MTMR7: variants seen among roughly 807,000 people sequenced by gnomAD.
MTMR7 encodes the protein phosphatidylinositol-3-phosphate phosphatase MTMR7.
MTMR7 carries 76 observed loss-of-function variants against 81.2 expected under a neutral mutation model. The ratio of observed to expected loss-of-function variants is 0.94; its 90% CI spans 0.78 to 1.13. MTMR7 has a LOEUF of 1.13. Ranked by LOEUF, MTMR7 falls within the 50% of genes most tolerant of loss-of-function variation. The pLI is 0.00. For missense variants in MTMR7, 1,044 were observed against 820.0 expected (o/e 1.27, Z -3.34); for synonymous variants, 372 against 289.8 (o/e 1.28, Z -2.88).
At chr8:17,320,968 A>G (rs1448717708) in intron 7 of MTMR7, among the ~76,000 whole-genome samples, 1 of 151,520 alleles carries the variant, frequency 6.6e-6, no homozygotes, top group African/African-American at 2.4e-5. Context: ...GATTCCTCCA[A>G]GCCTTCCATA....
Position 17,305,912 on chromosome 8 carries a change from A to G in MTMR7, c.1197T>C (p.Ile399=), listed in dbSNP as rs1308197548. ...DGDPKEISPV[I]DQFIECVWQL... ...GCCAAACACACTCAATGAACTGGTCAATAACTGGAGAGATTTCTTTTGGGT... is the reference window on the plus strand; with the variant it reads ...GCCAAACACACTCAATGAACTGGTCGATAACTGGAGAGATTTCTTTTGGGT... Residue 399 remains isoleucine, a synonymous_variant, in exon 11 of 14, where the codon ATT becomes ATC. Transcript: ENST00000180173. 2 of 1,613,760 alleles carry G rather than the reference A, an allele frequency of 1.2e-6. No homozygotes were observed. The highest frequency in any genetic ancestry group is 1.7e-6 in the Non-Finnish European group (2 of 1,179,748).
chr8:17,341,485 G>T lies in MTMR7; in HGVS notation c.610C>A (p.Arg204=). ...AAGCCGGACAGGGGCTGGCTGCTCC[G>T]GCAGATGGAGGCCTAGGGGGAGAGG... ...YYKDNHASIC[R]SSQPLSGFSA... Residue 204 remains arginine (R), a synonymous_variant, in exon 6 of 14, where the codon CGG becomes AGG. Coordinates refer to ENST00000180173, the MANE Select transcript of MTMR7 (RefSeq NM_004686.5). 3 of 1,613,710 alleles carry T rather than the reference G, an allele frequency of 1.9e-6. No individual in the cohort carries two copies. Among genetic ancestry groups the T allele is most frequent in the Middle Eastern group, 1.6e-4 (1 of 6,062 alleles).
At chr8:17,407,741 A>C (rs1310760876) in intron 1 of MTMR7, among the ~76,000 whole-genome samples, 1 of 152,208 alleles carries the variant, frequency 6.6e-6, no homozygotes, top group Non-Finnish European at 1.5e-5. Flanking sequence ...AAGAAAAAAA[A>C]CACCAGAAGA....
At chr8:17,346,236 C>T (rs2150545935) in intron 5 of MTMR7, 2 of 152,160 alleles carry the variant, frequency 1.3e-5, no homozygotes, top group East Asian at 3.9e-4. Flanking sequence ...CAAATTTGAT[C>T]ATTATTCCAC....
At chr8:17,393,868 TAATAA>T (rs1821174263) in intron 1 of MTMR7, among the ~76,000 whole-genome samples, 1 of 152,080 alleles carries the variant, frequency 6.6e-6, no homozygotes. Flanking sequence ...ACGTTGAAGA[TAATAA>T]AATAAAAAAT....
At chr8:17,303,428 A>T (rs1053907929) in intron 12 of MTMR7, among the ~76,000 whole-genome samples, 1 of 152,184 alleles carries the variant, frequency 6.6e-6, no homozygotes, top group African/African-American at 2.4e-5. Flanking sequence ...AGTGAGTAGG[A>T]AGAAAGAGAT....
intron 1 of MTMR7, among the ~76,000 whole-genome samples, chr8:17,395,456 TATG>T (rs1435284733): frequency 6.6e-6 from 1 of 152,212 alleles, no homozygotes; most frequent in African/African-American, 2.4e-5. Flanking sequence ...TGCTGAGTCA[TATG>T]ATAATTCTAC....
chr8:17,380,955 C>A (rs936016722), intron 1 of MTMR7, among the ~76,000 whole-genome samples: 1 of 151,894 alleles, frequency 6.6e-6, no homozygotes, highest in African/African-American at 2.4e-5. Flanking sequence ...ATACAAGAGC[C>A]CAAAGATTGA....
At chr8:17,340,078 A>G (rs1819360465) in intron 6 of MTMR7, among the ~76,000 whole-genome samples, 1 of 152,192 alleles carries the variant, frequency 6.6e-6, no homozygotes, top group South Asian at 2.1e-4. Context: ...CAGCCTCCCC[A>G]GTAACTGGGA....
intron 3 of MTMR7, among the ~76,000 whole-genome samples, chr8:17,368,091 G>A (rs1820289251): frequency 6.6e-6 from 1 of 151,998 alleles, no homozygotes; most frequent in South Asian, 2.1e-4. Flanking sequence ...GGGGGTGTGG[G>A]GTTGGGGGAT....
chr8:17,302,882 AT>A (rs35734209), intron 12 of MTMR7, among the ~76,000 whole-genome samples: 1 of 150,796 alleles, frequency 6.6e-6, no homozygotes, highest in Non-Finnish European at 1.5e-5. Flanking sequence ...CTAATTTTAT[AT>A]TTTTTTTAGT....
chr8:17,346,199 T>A (rs1586226295), intron 5 of MTMR7: 2 of 152,332 alleles, frequency 1.3e-5, no homozygotes, highest in African/African-American at 4.8e-5. Context: ...AACCTTGATA[T>A]TAAAATGTAA....
chr8:17,314,274 T>C (rs1323540031), intron 7 of MTMR7, among the ~76,000 whole-genome samples: 1 of 152,120 alleles, frequency 6.6e-6, no homozygotes, highest in African/African-American at 2.4e-5. Flanking sequence ...CAAGAAATCA[T>C]AGATTTCTTT....
rs192502810 is a variant in MTMR7 at position 17,341,350 on chromosome 8, C to T, written c.732+13G>A. 1,322 of 1,613,610 alleles carry T rather than the reference C, an allele frequency of 8.2e-4. No individual in the cohort carries two copies. The highest frequency in any genetic ancestry group is 1.0e-3 in the Non-Finnish European group (1,204 of 1,179,672). ...TCAGGTGCAAAGACATGCATCGCAA[C>T]GGTGACACTTACTTTAGGCCGGGTG... On this transcript the variant is annotated intron_variant, in intron 6 of 13. Coordinates refer to ENST00000180173, the MANE Select transcript of MTMR7 (RefSeq NM_004686.5).
intron 1 of MTMR7, among the ~76,000 whole-genome samples, chr8:17,407,704 C>A (rs1034448020): frequency 6.6e-6 from 1 of 151,866 alleles, no homozygotes; most frequent in African/African-American, 2.4e-5. Flanking sequence ...TCCTAAATTT[C>A]TAAGCAAACA....
At chr8:17,326,580 T>C (rs1018841) in intron 7 of MTMR7, 21,024 of 152,164 alleles carry the variant, frequency 0.14, 2,024 homozygotes, top group Non-Finnish European at 0.21. Flanking sequence ...AAGGATGTTT[T>C]TAAAAGACAA....
At chr8:17,393,260 T>C (rs1196582741) in intron 1 of MTMR7, among the ~76,000 whole-genome samples, 3 of 152,200 alleles carry the variant, frequency 2.0e-5, no homozygotes, top group Non-Finnish European at 4.4e-5. Flanking sequence ...TCTCACACCA[T>C]ATACAAAAAT....
chr8:17,324,304 A>C (rs1035133183), intron 7 of MTMR7, among the ~76,000 whole-genome samples: 10 of 152,156 alleles, frequency 6.6e-5, no homozygotes, highest in African/African-American at 2.4e-4. Context: ...CCTGTGTGTT[A>C]AGTACTTACT....
chr8:17,340,520 C>A (rs1263400382), intron 6 of MTMR7, among the ~76,000 whole-genome samples: 1 of 152,144 alleles, frequency 6.6e-6, no homozygotes, highest in African/African-American at 2.4e-5. Context: ...CCTCTGGGGA[C>A]TTCACTTGTT....
Sources: allele counts gnomAD v4.1 joint callset (sites outside exome capture counted in the v4.1 genomes callset), GRCh38; gene constraint gnomAD v4.1.1; transcripts MANE v1.5; gene names NCBI Gene and HGNC (gene_info 2026-07-23, HGNC 2026-07-21).